Variants in OSBPL3 observed in about 807,000 individuals in gnomAD.
OSBPL3 encodes the protein oxysterol binding protein like 3.
A neutral mutation model predicts 120.1 loss-of-function variants in OSBPL3; 65 were observed. That is an observed-to-expected ratio of 0.54 (90% CI 0.44 to 0.67). OSBPL3 has a LOEUF of 0.67. Ranked by LOEUF, OSBPL3 falls within the 30% of genes least tolerant of loss-of-function variation. The pLI is 0.00. For missense variants in OSBPL3, 1,004 were observed against 1,082.1 expected, an observed-to-expected ratio of 0.93 and a Z score of 1.01; for synonymous variants, 416 against 402.6, an observed-to-expected ratio of 1.03 and a Z score of -0.40.
rs568749408 is a variant in OSBPL3, at chr7:24,796,787, C to T, written c.*3396G>A. 3.5e-4 allele frequency: 53 copies of T among 152,320 alleles called. No individual in the cohort carries two copies. The highest frequency in any genetic ancestry group is 1.3e-3 in the African/African-American group (52 of 41,564). The allele number at this position is 152,320 out of a possible 1,614,324, so 9.4% of individuals were successfully genotyped here. A position where few individuals can be genotyped will look rare whatever the true frequency, so the allele number is the denominator to read the frequency against. On this transcript the variant is annotated 3_prime_UTR_variant, in exon 23 of 23. Transcript: ENST00000313367. This position sits in a 1 kb window ranked among gnomAD's most constrained non-coding sequence, Gnocchi z 5.2. ...CCCCAAAGTCTCTGAAAATGGTTTG[C>T]ACTTTAGACTGTCATGATTTGCAGA...
intron 19 of OSBPL3, among the ~76,000 whole-genome samples, chr7:24,814,700 G>T (rs545332681): frequency 2.6e-5 from 4 of 152,224 alleles, no homozygotes; most frequent in African/African-American, 9.6e-5. Flanking sequence ...TCTGTGAACT[G>T]GATTCCTCTG....
At chr7:24,807,370 G>GT (rs1768691834) in intron 20 of OSBPL3, among the ~76,000 whole-genome samples, 3 of 152,120 alleles carry the variant, frequency 2.0e-5, no homozygotes, top group Admixed American at 1.3e-4. Context: ...TCGGGCGCCT[G>GT]TAATTCCAGC....
At chr7:24,951,424 G>A (rs534834281) in intron 1 of OSBPL3, among the ~76,000 whole-genome samples, 28 of 152,122 alleles carry the variant, frequency 1.8e-4, no homozygotes, top group Admixed American at 3.9e-4. Flanking sequence ...AAGGTGAACC[G>A]AAAAATAAAT....
At position 24,930,673 on chromosome 7, in the gene OSBPL3, A is replaced by T. The variant is rs1226075707; in HGVS notation, c.-149-38052T>A. ...CCTTTCCAGGTTAACCTCTTAAAAAATTTAATGAAAGTTATGGTCCAGTCT... is the reference window on the plus strand; with the variant it reads ...CCTTTCCAGGTTAACCTCTTAAAAATTTTAATGAAAGTTATGGTCCAGTCT... On this transcript the variant is annotated intron_variant, in intron 1 of 22. Coordinates refer to ENST00000313367, the MANE Select transcript of OSBPL3 (RefSeq NM_015550.4). The surrounding 1 kb of genome is among the most constrained non-coding windows in gnomAD (Gnocchi z 4.4). Among the ~76,000 whole-genome samples, 3 of 152,206 alleles carry T rather than the reference A, an allele frequency of 2.0e-5. No individual in the cohort carries two copies. The highest frequency in any genetic ancestry group is 7.2e-5 in the African/African-American group (3 of 41,458).
At chr7:24,980,342 A>T (rs539945436), upstream of OSBPL3, among the ~76,000 whole-genome samples, 244 of 151,854 alleles carry the variant, frequency 1.6e-3, 1 homozygote, top group African/African-American at 5.7e-3. Flanking sequence ...AGGTGGGGCG[A>T]TGTCCTCGGA....
upstream of OSBPL3, among the ~76,000 whole-genome samples, chr7:24,981,162 CA>C (rs1232016756): frequency 1.3e-5 from 2 of 152,016 alleles, no homozygotes; most frequent in Non-Finnish European, 2.9e-5. The surrounding 1 kb of genome is among the most constrained non-coding windows in gnomAD (Gnocchi z 7.3). Flanking sequence ...CATATCTATG[CA>C]AAAAATAAAA....
intron 1 of OSBPL3, among the ~76,000 whole-genome samples, chr7:24,895,853 T>C (rs1015693489): frequency 6.6e-6 from 1 of 152,226 alleles, no homozygotes; most frequent in East Asian, 1.9e-4. Flanking sequence ...TATTTTGTAC[T>C]GAGAAATAAC....
intron 2 of OSBPL3, among the ~76,000 whole-genome samples, chr7:24,880,806 A>C (rs1803575764): frequency 6.6e-6 from 1 of 152,216 alleles, no homozygotes; most frequent in African/African-American, 2.4e-5. Context: ...AAAAACTCCA[A>C]AACAGGCTCC....
Position 24,816,708 on chromosome 7 carries a change from A to G in OSBPL3, c.1949-20T>C, listed in dbSNP as rs771746343. 6.6e-7 allele frequency: 1 copy of G among 1,524,680 alleles called. No homozygotes were observed. The highest frequency in any genetic ancestry group is 9.1e-7 in the Non-Finnish European group (1 of 1,098,280). 94.4% of individuals were successfully genotyped at this position (1,524,680 alleles called of 1,614,324 possible). A position where few individuals can be genotyped will look rare whatever the true frequency, so the allele number is the denominator to read the frequency against. ...TCACATCTGAAATGAAATACCAAAT[A>G]TTACATTTTTAGCAGGAGAGGTAGG... On this transcript the variant is annotated intron_variant, in intron 17 of 22. Coordinates refer to ENST00000313367, the MANE Select transcript of OSBPL3 (RefSeq NM_015550.4).
In OSBPL3 at chr7:24,854,836, T is replaced by C. The variant is rs1161257701; in HGVS notation, c.1028-2202A>G. On this transcript the variant is annotated intron_variant, in intron 10 of 22. Coordinates refer to ENST00000313367, the MANE Select transcript of OSBPL3 (RefSeq NM_015550.4). This position sits in a 1 kb window ranked among gnomAD's most constrained non-coding sequence, Gnocchi z 4.1. ...TAACTTTTACTTTAAATGGTTGTCA[T>C]GAGGATTGAATGAGAGAGGGAATGC... is the stretch of plus-strand genomic sequence containing the variant. 6.6e-6 allele frequency among the ~76,000 whole-genome samples: 1 copy of C among 152,162 alleles called. No individual in the cohort carries two copies. The highest frequency in any genetic ancestry group is 2.4e-5 in the African/African-American group (1 of 41,426).
rs746539672 is a variant in OSBPL3 at position 24,800,248 on chromosome 7, C to T, written c.2599G>A (p.Gly867Ser). 15 of 1,611,822 alleles carry T rather than the reference C, an allele frequency of 9.3e-6. No homozygotes were observed. The Middle Eastern group carries it at 6.6e-4, about 71-fold the overall frequency. Residue 867 changes from glycine (G) to serine (S), a missense_variant, in exon 23 of 23, where the codon GGC (glycine) becomes AGC (serine). Coordinates refer to ENST00000313367, the MANE Select transcript of OSBPL3 (RefSeq NM_015550.4). ...KSDDDSWVSN[G>S]TYLELRKDLG... The stretch of plus-strand genomic sequence containing the variant: ...TCTTTTCTAAGTTCCAAATAGGTGC[C>T]GTTGCTCACCCAAGAGTCATCGTCG...
chr7:24,850,143 G>C (rs1323282546), intron 11 of OSBPL3, among the ~76,000 whole-genome samples: 2 of 152,164 alleles, frequency 1.3e-5, no homozygotes, highest in South Asian at 2.1e-4. Context: ...CTCTGGGAAT[G>C]GGTAAATGTG....
At position 24,798,372 on chromosome 7, in the gene OSBPL3, C is replaced by T. The variant is rs535468318; in HGVS notation, c.*1811G>A. The T allele has an allele frequency of 7.2e-5, 11 of 152,228 alleles. No individual in the cohort carries two copies. The highest frequency in any genetic ancestry group is 5.2e-4 in the Admixed American group (8 of 15,290). The allele number at this position is 152,228 out of a possible 1,614,324, so 9.4% of individuals were successfully genotyped here. ...ACTGTGGAAACTACATTTGTTTTCC[C>T]CTTGAGTGCCCTTAAATCTACAGCC... On this transcript the variant is annotated 3_prime_UTR_variant, in exon 23 of 23. Coordinates refer to ENST00000313367, the MANE Select transcript of OSBPL3 (RefSeq NM_015550.4). The surrounding 1 kb of genome is among the most constrained non-coding windows in gnomAD (Gnocchi z 4.6).
At chr7:24,931,362 T>A (rs897865920) in intron 1 of OSBPL3, among the ~76,000 whole-genome samples, 1 of 152,192 alleles carries the variant, frequency 6.6e-6, no homozygotes, top group African/African-American at 2.4e-5. Context: ...ATGTACCTTA[T>A]ATGGCAAAAG....
chr7:24,892,551 T>G lies in OSBPL3; in HGVS notation c.-79A>C, dbSNP rs1273464121. On this transcript the variant is annotated 5_prime_UTR_variant, in exon 2 of 23. Coordinates refer to ENST00000313367, the MANE Select transcript of OSBPL3 (RefSeq NM_015550.4). ...GAGCCGAGAGTATGGAAGTCCCCAG[T>G]GGCAGGTGGTTTAGCTCTTATCCAA... The G allele has an allele frequency of 6.4e-7, 1 of 1,552,146 alleles. No homozygotes were observed. Among genetic ancestry groups the G allele is most frequent in the Non-Finnish European group, 8.8e-7 (1 of 1,137,724 alleles).
chr7:24,829,420 C>T (rs1043354949), intron 16 of OSBPL3, among the ~76,000 whole-genome samples: 6 of 152,142 alleles, frequency 3.9e-5, no homozygotes, highest in African/African-American at 1.4e-4. Context: ...TATTCACTTT[C>T]CTTTGAGTTC....
Position 24,936,090 on chromosome 7 carries a change from G to A in OSBPL3, c.-149-43469C>T, listed in dbSNP as rs997312306. 1.5e-5 allele frequency among the ~76,000 whole-genome samples: 2 copies of A among 137,570 alleles called. No homozygotes were observed. Among genetic ancestry groups the A allele is most frequent in the Non-Finnish European group, 3.0e-5 (2 of 66,358 alleles). The allele number at this position is 137,570 out of a possible 152,430, so 90.3% of individuals were successfully genotyped here. A position where few individuals can be genotyped will look rare whatever the true frequency, so the allele number is the denominator to read the frequency against. On this transcript the variant is annotated intron_variant, in intron 1 of 22. Coordinates refer to ENST00000313367, the MANE Select transcript of OSBPL3 (RefSeq NM_015550.4). This position sits in a 1 kb window ranked among gnomAD's most constrained non-coding sequence, Gnocchi z 4.2. Reference sequence around the variant, plus strand: ...TAATTCATTCTTAAGATTTCTTCTGGTTGAAAACTACCATCTTTTGTATCA... The same window carrying A: ...TAATTCATTCTTAAGATTTCTTCTGATTGAAAACTACCATCTTTTGTATCA...
Position 24,940,441 on chromosome 7 carries a change from TG to T in OSBPL3, c.-150+39444del, listed in dbSNP as rs1219746449. Among the ~76,000 whole-genome samples, 1 of 151,962 alleles carries T rather than the reference TG, an allele frequency of 6.6e-6. No homozygotes were observed. The highest frequency in any genetic ancestry group is 1.5e-5 in the Non-Finnish European group (1 of 67,996). On this transcript the variant is annotated intron_variant, in intron 1 of 22. Transcript: ENST00000313367. This position sits in a 1 kb window ranked among gnomAD's most constrained non-coding sequence, Gnocchi z 4.4. ...TACACCAGGGGAGAAGTAAAGAGTG[TG>T]GAAGAGTAAAGACCAGACAGGCTGA...
rs147177707 is a variant in OSBPL3, at chr7:24,807,496, A to AAATAAT, written c.2318-600_2318-595dup. The stretch of plus-strand genomic sequence containing the variant: ...CGACAAGAGCGAAACTCCATCTCAA[A>AAATAAT]AATAATAATAATAATAATAATAACA... On this transcript the variant is annotated intron_variant, in intron 20 of 22. Coordinates refer to ENST00000313367, the MANE Select transcript of OSBPL3 (RefSeq NM_015550.4). Among the ~76,000 whole-genome samples the AAATAAT allele has an allele frequency of 9.4e-3, 1,420 of 150,864 alleles. 22 individuals are homozygous for AAATAAT. The highest frequency in any genetic ancestry group is 0.033 in the African/African-American group (1,339 of 40,930).
Sources: gnomAD v4.1 joint callset for allele counts (sites outside exome capture counted in the v4.1 genomes callset) on GRCh38, gnomAD v4.1.1 for gene constraint, Gnocchi (gnomAD v3.1) non-coding constraint, MANE v1.5 for transcripts, NCBI Gene and HGNC (gene_info 2026-07-23, HGNC 2026-07-21) for gene names.